Variants in MACROD1 observed in about 807,000 individuals in gnomAD.
MACROD1 encodes the protein ADP-ribose glycohydrolase MACROD1.
A neutral mutation model predicts 41.4 loss-of-function variants in MACROD1; 31 were observed. That is an observed-to-expected ratio of 0.75 (90% CI 0.56 to 1.01). MACROD1 has a LOEUF of 1.01. Among genes scored for constraint, MACROD1 ranks in the 50% least tolerant of loss-of-function variants. The probability of loss-of-function intolerance (pLI) is 0.00; values close to 1 mark genes in which losing one functional copy is unlikely to be tolerated. For missense variants in MACROD1, 473 were observed against 460.0 expected, an observed-to-expected ratio of 1.03 and a Z score of -0.26; for synonymous variants, 252 against 203.4, an observed-to-expected ratio of 1.24 and a Z score of -2.03.
chr11:64,015,330 G>T, intron 3 of MACROD1, 49 bp from the exon 4 acceptor site: 3 of 1,561,444 alleles, frequency 1.9e-6, no homozygotes, highest in South Asian at 1.2e-5. Context: ...GGGCTGCGGC[G>T]GGAGTATCAG....
intron 3 of MACROD1, among the ~76,000 whole-genome samples, chr11:64,144,358 G>A (rs1366030884): frequency 6.6e-6 from 1 of 152,090 alleles, no homozygotes; most frequent in African/African-American, 2.4e-5. Flanking sequence ...ATTAGAGACT[G>A]TGTCCTTTGC....
intron 3 of MACROD1, among the ~76,000 whole-genome samples, chr11:64,032,098 G>C (rs1943303218): frequency 6.6e-6 from 1 of 152,176 alleles, no homozygotes; most frequent in South Asian, 2.1e-4. Flanking sequence ...GGTCCCTGAT[G>C]ATGACCACAG....
At chr11:64,079,691 G>A (rs1050134421) in intron 3 of MACROD1, among the ~76,000 whole-genome samples, 3 of 152,120 alleles carry the variant, frequency 2.0e-5, no homozygotes, top group African/African-American at 7.2e-5. Context: ...GTGTGGTTGG[G>A]GAAAGGAAGG....
intron 3 of MACROD1, chr11:64,104,143 G>T (rs1944717837): frequency 6.6e-6 from 1 of 152,362 alleles, no homozygotes; most frequent in South Asian, 2.1e-4. Context: ...AGTGACCCCA[G>T]TCAAACCCAG....
intron 3 of MACROD1, chr11:64,118,005 G>C (rs1348807985): frequency 3.7e-6 from 6 of 1,613,536 alleles, no homozygotes; most frequent in Non-Finnish European, 5.1e-6. Flanking sequence ...CGTGCACCAG[G>C]CTGGCGAGCT....
At chr11:64,062,741 G>A (rs1943928320) in intron 3 of MACROD1, among the ~76,000 whole-genome samples, 1 of 152,192 alleles carries the variant, frequency 6.6e-6, no homozygotes, top group African/African-American at 2.4e-5. Flanking sequence ...CCCAGGCTGA[G>A]GCCCCAGATG....
chr11:64,024,474 G>A (rs1487233072), intron 3 of MACROD1, among the ~76,000 whole-genome samples: 2 of 152,170 alleles, frequency 1.3e-5, no homozygotes, highest in Non-Finnish European at 2.9e-5. Flanking sequence ...GGTCTGAATT[G>A]GGCTGTCTGA....
In MACROD1 at chr11:64,155,849, C is replaced by T. The variant is rs368420516; in HGVS notation, c.299-3456G>A. Among the ~76,000 whole-genome samples the T allele has an allele frequency of 2.1e-3, 316 of 152,168 alleles. 5 individuals carry two copies. In the Middle Eastern group the frequency reaches 0.037, roughly 18 times the overall value. On this transcript the variant is annotated intron_variant, in intron 1 of 10. Coordinates refer to ENST00000255681, the MANE Select transcript of MACROD1 (RefSeq NM_014067.4). The stretch of plus-strand genomic sequence containing the variant: ...AGCGGCCGGGCATGGTGGCTCACAC[C>T]TGTAATCCCAGCATTTTGGGAGGCC...
At chr11:64,009,273 T>C (rs1470081811) in intron 4 of MACROD1, 1 of 152,174 alleles carries the variant, frequency 6.6e-6, no homozygotes, top group Non-Finnish European at 1.5e-5. Context: ...GTAAAAGCTT[T>C]CCAGGAGGGA....
Position 64,132,980 on chromosome 11 carries a change from C to T in MACROD1, c.517+18259G>A, listed in dbSNP as rs200552214. ...TCTGTCCGGGTTCCCCCCACTGCCC[C>T]GAGTCCTGGCCCCATGAGGCCTCAT... is the stretch of plus-strand genomic sequence containing the variant. On this transcript the variant is annotated intron_variant, in intron 3 of 10. Coordinates refer to ENST00000255681, the MANE Select transcript of MACROD1 (RefSeq NM_014067.4). 9.2e-5 allele frequency among the ~76,000 whole-genome samples: 14 copies of T among 152,286 alleles called. No individual in the cohort carries two copies. In the East Asian group the frequency reaches 9.7e-4, roughly 11 times the overall value.
intron 3 of MACROD1, among the ~76,000 whole-genome samples, chr11:64,057,842 A>G (rs1943818578): frequency 2.0e-5 from 3 of 152,074 alleles, no homozygotes; most frequent in Admixed American, 6.5e-5. Flanking sequence ...ACCCCTTTCC[A>G]CTTTACAGTT....
At chr11:64,085,905 C>A (rs1944385372) in intron 3 of MACROD1, among the ~76,000 whole-genome samples, 1 of 152,170 alleles carries the variant, frequency 6.6e-6, no homozygotes, top group African/African-American at 2.4e-5. Context: ...TTCTCAGGGG[C>A]CACCCCACCC....
At chr11:64,095,783 G>C (rs1944565195) in intron 3 of MACROD1, among the ~76,000 whole-genome samples, 1 of 152,228 alleles carries the variant, frequency 6.6e-6, no homozygotes, top group Non-Finnish European at 1.5e-5. Context: ...TGAAGGAAGT[G>C]AGCAGGGGGC....
At chr11:64,141,674 G>C (rs957772068) in intron 3 of MACROD1, among the ~76,000 whole-genome samples, 1 of 152,184 alleles carries the variant, frequency 6.6e-6, no homozygotes, top group Admixed American at 6.5e-5. Context: ...CTCAGTGCTC[G>C]GGTGGACAGC....
intron 3 of MACROD1, among the ~76,000 whole-genome samples, chr11:64,061,608 C>T (rs982973691): frequency 6.6e-6 from 1 of 152,210 alleles, no homozygotes; most frequent in Admixed American, 6.5e-5. Flanking sequence ...GGGTCCGAAT[C>T]TGCATGCCTC....
Position 64,152,305 on chromosome 11 carries a change from C to T in MACROD1, c.387G>A (p.Lys129=). ...FVRLKKIPTW[K]EMAKGVAVKV... is the part of the protein sequence containing the mutation. Reference sequence around the variant, plus strand: ...AGCAGGGCCTACCTTTCGCCATCTCCTTCCATGTCGGGATCTTCTTCAGCC... The same window carrying T: ...AGCAGGGCCTACCTTTCGCCATCTCTTTCCATGTCGGGATCTTCTTCAGCC... Residue 129 remains lysine (K), a synonymous_variant, in exon 2 of 11, where the codon AAG becomes AAA. Transcript: ENST00000255681. The T allele has an allele frequency of 6.2e-7, 1 of 1,614,260 alleles. No individual in the cohort carries two copies. The highest frequency in any genetic ancestry group is 1.7e-5 in the Admixed American group (1 of 60,034).
At chr11:64,151,706 A>G (rs1945581273) in intron 2 of MACROD1, among the ~76,000 whole-genome samples, 2 of 152,194 alleles carry the variant, frequency 1.3e-5, no homozygotes, top group Non-Finnish European at 2.9e-5. Flanking sequence ...CCCCACTGTA[A>G]GCAACCAAAT....
At chr11:64,094,887 A>C (rs1326188284) in intron 3 of MACROD1, among the ~76,000 whole-genome samples, 1 of 152,164 alleles carries the variant, frequency 6.6e-6, no homozygotes, top group Non-Finnish European at 1.5e-5. Context: ...GATTTCGCCG[A>C]ATGTCCCATC....
chr11:64,149,580 C>T (rs1297966462), intron 3 of MACROD1, among the ~76,000 whole-genome samples: 1 of 152,250 alleles, frequency 6.6e-6, no homozygotes, highest in Non-Finnish European at 1.5e-5. Context: ...TTGGTCCCTG[C>T]ACCCTTTCTC....
Sources: allele counts gnomAD v4.1 joint callset (sites outside exome capture counted in the v4.1 genomes callset), GRCh38; gene constraint gnomAD v4.1.1; transcripts MANE v1.5; gene names NCBI Gene and HGNC (gene_info 2026-07-23, HGNC 2026-07-21).